Variants in PDE4D observed in about 807,000 individuals in gnomAD.
PDE4D encodes phosphodiesterase 4D.
Under a neutral mutation model 87.4 loss-of-function variants are expected in PDE4D, and 24 were observed. The ratio of observed to expected loss-of-function variants is 0.27; its 90% CI spans 0.20 to 0.39. The LOEUF is 0.39. Among genes scored for constraint, PDE4D ranks in the 10% least tolerant of loss-of-function variants. The pLI is 1.00. For missense variants in PDE4D, 714 were observed against 1,041.0 expected (o/e 0.69, Z 4.32); for synonymous variants, 384 against 383.2 (o/e 1.00, Z -0.02).
At chr5:60,238,722 G>T (rs1180646240) in intron 1 of PDE4D, among the ~76,000 whole-genome samples, 3 of 151,828 alleles carry the variant, frequency 2.0e-5, no homozygotes, top group Non-Finnish European at 4.4e-5. Flanking sequence ...TTATTTGAAA[G>T]ATTCCTTCAT....
At chr5:59,637,611 T>A (rs1832416183) in intron 1 of PDE4D, among the ~76,000 whole-genome samples, 1 of 150,652 alleles carries the variant, frequency 6.6e-6, no homozygotes, top group Non-Finnish European at 1.5e-5. Flanking sequence ...GGGACTTGGA[T>A]GAAGCTTGAA....
At chr5:59,802,401 T>C (rs1463856008) in intron 1 of PDE4D, among the ~76,000 whole-genome samples, 1 of 145,334 alleles carries the variant, frequency 6.9e-6, no homozygotes, top group Non-Finnish European at 1.5e-5. Flanking sequence ...ATATTCTTTT[T>C]TTTTTTTTTT....
At chr5:59,210,659 G>A (rs980084061) in intron 2 of PDE4D, among the ~76,000 whole-genome samples, 11 of 152,148 alleles carry the variant, frequency 7.2e-5, no homozygotes, top group South Asian at 2.1e-4. Context: ...TCACTTCCTC[G>A]TCACTGGCCC....
intron 1 of PDE4D, among the ~76,000 whole-genome samples, chr5:59,482,294 T>C (rs1245535312): frequency 1.3e-5 from 2 of 152,204 alleles, no homozygotes; most frequent in African/African-American, 4.8e-5. Context: ...TAAGTGATGA[T>C]GTGTTTGTTG....
chr5:60,431,296 G>A (rs1744265467), intron 1 of PDE4D, among the ~76,000 whole-genome samples: 1 of 151,258 alleles, frequency 6.6e-6, no homozygotes, highest in Non-Finnish European at 1.5e-5. Context: ...GCCGGGCGGA[G>A]GGGCTCCTCA....
chr5:59,061,081 G>A (rs1010356311), intron 5 of PDE4D, among the ~76,000 whole-genome samples: 3 of 152,062 alleles, frequency 2.0e-5, no homozygotes, highest in African/African-American at 7.2e-5. Context: ...TGATACAAAT[G>A]TTCATATATT....
chr5:60,295,709 TC>T (rs1753318533), intron 1 of PDE4D, among the ~76,000 whole-genome samples: 2 of 152,154 alleles, frequency 1.3e-5, no homozygotes, highest in South Asian at 4.1e-4. Flanking sequence ...AGGCAGCAAG[TC>T]AGGCACAAAC....
chr5:60,184,324 A>G (rs1466782725), intron 2 of PDE4D, among the ~76,000 whole-genome samples: 1 of 152,098 alleles, frequency 6.6e-6, no homozygotes, highest in African/African-American at 2.4e-5. Context: ...TTCATATTTA[A>G]TTTATAATAA....
chr5:59,812,609 G>A (rs560469157), intron 1 of PDE4D, among the ~76,000 whole-genome samples: 36 of 151,776 alleles, frequency 2.4e-4, no homozygotes, highest in Non-Finnish European at 4.4e-4. Flanking sequence ...GGAGGCGGAC[G>A]TTGCAGTGAG....
At chr5:60,352,195 C>A (rs1759264208) in intron 1 of PDE4D, among the ~76,000 whole-genome samples, 1 of 152,064 alleles carries the variant, frequency 6.6e-6, no homozygotes, top group South Asian at 2.1e-4. Context: ...CAATACATAC[C>A]ATTCTCCCTG....
intron 1 of PDE4D, among the ~76,000 whole-genome samples, chr5:60,482,113 T>G (rs1320930868): frequency 6.6e-6 from 1 of 152,102 alleles, no homozygotes; most frequent in Admixed American, 6.6e-5. Flanking sequence ...GATGGTATCT[T>G]TGGAAGATAA....
intron 2 of PDE4D, among the ~76,000 whole-genome samples, chr5:60,175,966 T>G (rs1196975132): frequency 6.6e-6 from 1 of 152,164 alleles, no homozygotes; most frequent in Non-Finnish European, 1.5e-5. Flanking sequence ...TTTCCTCCAG[T>G]TCCCTAAGAC....
intron 1 of PDE4D, among the ~76,000 whole-genome samples, chr5:60,253,209 G>A (rs756073249): frequency 1.3e-5 from 2 of 151,868 alleles, no homozygotes; most frequent in African/African-American, 2.4e-5. Context: ...TTTGATCTGA[G>A]CTCCTACAGC....
intron 1 of PDE4D, among the ~76,000 whole-genome samples, chr5:59,612,237 T>TTG (rs67356056): frequency 2.7e-5 from 4 of 150,510 alleles, no homozygotes; most frequent in East Asian, 2.0e-4. Flanking sequence ...ACACTGTTTT[T>TTG]TTTGTTTGTT....
At chr5:59,760,008 A>G (rs1276814072) in intron 1 of PDE4D, among the ~76,000 whole-genome samples, 1 of 152,080 alleles carries the variant, frequency 6.6e-6, no homozygotes, top group Admixed American at 6.5e-5. Flanking sequence ...TTGAAAATCT[A>G]CTCAGTTGTT....
chr5:59,226,828 G>A (rs1581480636), intron 1 of PDE4D, among the ~76,000 whole-genome samples: 1 of 151,830 alleles, frequency 6.6e-6, no homozygotes, highest in South Asian at 2.1e-4. Flanking sequence ...ATCAGAATAC[G>A]TGCTGACAAT....
chr5:60,150,568 C>G (rs574299431), intron 2 of PDE4D, among the ~76,000 whole-genome samples: 1 of 151,054 alleles, frequency 6.6e-6, no homozygotes, highest in African/African-American at 2.4e-5. Flanking sequence ...CTGATGGTGT[C>G]AGAAAAAAAA....
intron 1 of PDE4D, among the ~76,000 whole-genome samples, chr5:59,661,873 G>A (rs968666761): frequency 6.6e-6 from 1 of 152,196 alleles, no homozygotes; most frequent in Non-Finnish European, 1.5e-5. Flanking sequence ...TTTGCCTGGG[G>A]TGCTAATTTT....
At chr5:60,346,121 A>T (rs541907203) in intron 1 of PDE4D, among the ~76,000 whole-genome samples, 1 of 152,168 alleles carries the variant, frequency 6.6e-6, no homozygotes, top group Non-Finnish European at 1.5e-5. Context: ...CATATGCAAC[A>T]TGCATGAGTT....
Sources: gnomAD v4.1 joint callset for allele counts (sites outside exome capture counted in the v4.1 genomes callset) on GRCh38, gnomAD v4.1.1 for gene constraint, MANE v1.5 for transcripts, NCBI Gene and HGNC (gene_info 2026-07-23, HGNC 2026-07-21) for gene names.